Variants in ANO3 observed in about 807,000 individuals in gnomAD.
ANO3 encodes anoctamin-3.
A neutral mutation model predicts 144.8 loss-of-function variants in ANO3; 99 were observed. The ratio of observed to expected loss-of-function variants is 0.68; its 90% confidence interval spans 0.58 to 0.81. The LOEUF is 0.81. Ranked by LOEUF, ANO3 falls within the 30% of genes least tolerant of loss-of-function variation. The pLI is 0.00. For missense variants in ANO3, 905 were observed against 1,202.2 expected (o/e 0.75, Z 3.66); for synonymous variants, 414 against 392.6 (o/e 1.05, Z -0.64).
At chr11:26,319,560 T>G (rs929829504) in intron 1 of ANO3, among the ~76,000 whole-genome samples, 1 of 152,224 alleles carries the variant, frequency 6.6e-6, no homozygotes, top group African/African-American at 2.4e-5. Context: ...TTTGTTTGTA[T>G]GGCATAGACA....
intron 1 of ANO3, among the ~76,000 whole-genome samples, chr11:26,338,561 G>A (rs1185093320): frequency 2.6e-5 from 4 of 152,120 alleles, no homozygotes; most frequent in African/African-American, 9.7e-5. Context: ...TCCATGGTGT[G>A]GAAGCTTTGT....
chr11:26,440,458 G>A (rs1182583235), intron 1 of ANO3, among the ~76,000 whole-genome samples: 2 of 152,008 alleles, frequency 1.3e-5, no homozygotes, highest in African/African-American at 4.8e-5. Context: ...TTAAATGATG[G>A]GAAATGACCT....
intron 18 of ANO3, among the ~76,000 whole-genome samples, chr11:26,632,600 T>C (rs1006474299): frequency 3.2e-4 from 48 of 148,876 alleles, no homozygotes; most frequent in African/African-American, 1.1e-3. Flanking sequence ...ATATAATATA[T>C]GTCTGTCTCT....
intron 1 of ANO3, among the ~76,000 whole-genome samples, chr11:26,294,577 G>T (rs964416852): frequency 6.6e-6 from 1 of 152,066 alleles, no homozygotes. Context: ...GAAACCAAGG[G>T]TCAGTAGGAT....
chr11:26,248,262 C>A (rs922720189), intron 1 of ANO3, among the ~76,000 whole-genome samples: 1 of 151,900 alleles, frequency 6.6e-6, no homozygotes, highest in Non-Finnish European at 1.5e-5. Flanking sequence ...CGCTTGAACC[C>A]GGGAGGCGGA....
chr11:26,410,137 G>T (rs1409279138), intron 1 of ANO3, among the ~76,000 whole-genome samples: 1 of 151,936 alleles, frequency 6.6e-6, no homozygotes. Context: ...CGATAAGTAT[G>T]CATTCAGTGT....
chr11:26,605,855 T>C (rs11029636), intron 17 of ANO3, among the ~76,000 whole-genome samples: 38,870 of 147,564 alleles, frequency 0.26, 5,096 homozygotes, highest in Middle Eastern at 0.32. Flanking sequence ...TGGCTAGCAG[T>C]CTATTTTGTT....
upstream of ANO3, among the ~76,000 whole-genome samples, chr11:26,330,322 A>G (rs1262758128): frequency 1.3e-5 from 2 of 152,170 alleles, no homozygotes; most frequent in Non-Finnish European, 2.9e-5. Flanking sequence ...CTCGGTTTCA[A>G]TGCCCTCATC....
At chr11:26,369,705 ATCTGT>A (rs1856195050) in intron 1 of ANO3, among the ~76,000 whole-genome samples, 1 of 152,076 alleles carries the variant, frequency 6.6e-6, no homozygotes, top group Non-Finnish European at 1.5e-5. Context: ...TCCTTATTTT[ATCTGT>A]TCTATCTCTG....
intron 1 of ANO3, among the ~76,000 whole-genome samples, chr11:26,302,658 C>T (rs1011207384): frequency 6.6e-6 from 1 of 152,082 alleles, no homozygotes; most frequent in African/African-American, 2.4e-5. Context: ...TGCATAAATA[C>T]TGGGATGTGT....
chr11:26,227,671 A>G (rs908098878), intron 1 of ANO3, among the ~76,000 whole-genome samples: 6 of 152,138 alleles, frequency 3.9e-5, no homozygotes, highest in African/African-American at 1.2e-4. Context: ...TTTTATCTAC[A>G]TGATTCCACT....
chr11:26,387,129 T>A (rs1434308821), intron 1 of ANO3, among the ~76,000 whole-genome samples: 1 of 119,576 alleles, frequency 8.4e-6, no homozygotes. Flanking sequence ...GCAAATGTAG[T>A]ATTTTTTTTT....
intron 1 of ANO3, among the ~76,000 whole-genome samples, chr11:26,416,298 G>T (rs556046020): frequency 6.6e-6 from 1 of 152,062 alleles, no homozygotes; most frequent in African/African-American, 2.4e-5. Flanking sequence ...TTAAGAAAAA[G>T]ATTTAGTTGA....
intron 1 of ANO3, among the ~76,000 whole-genome samples, chr11:26,230,891 T>TA: frequency 6.6e-6 from 1 of 150,420 alleles, no homozygotes; most frequent in Non-Finnish European, 1.5e-5. Flanking sequence ...TTTTTTCTTT[T>TA]TTTTTTTTTT....
chr11:26,351,616 T>C (rs1008629353), intron 1 of ANO3, among the ~76,000 whole-genome samples: 1 of 152,200 alleles, frequency 6.6e-6, no homozygotes, highest in African/African-American at 2.4e-5. Context: ...GGAAAATGGC[T>C]TCCAGAAAAC....
chr11:26,282,444 T>A (rs1266600712), intron 1 of ANO3, among the ~76,000 whole-genome samples: 2 of 152,182 alleles, frequency 1.3e-5, no homozygotes, highest in Non-Finnish European at 2.9e-5. Context: ...GCATTCTGCA[T>A]ATTAATTTAA....
chr11:26,435,844 C>A (rs1278691096), intron 1 of ANO3, among the ~76,000 whole-genome samples: 1 of 152,080 alleles, frequency 6.6e-6, no homozygotes, highest in East Asian at 1.9e-4. Context: ...TCTCCTAAAT[C>A]TTGATGATCT....
At chr11:26,219,056 C>T (rs1852090616) in intron 1 of ANO3, among the ~76,000 whole-genome samples, 1 of 152,060 alleles carries the variant, frequency 6.6e-6, no homozygotes, top group South Asian at 2.1e-4. Context: ...GGGGGCTGTC[C>T]TGTGCATTGT....
At chr11:26,322,620 G>C (rs1420571913) in intron 1 of ANO3, among the ~76,000 whole-genome samples, 2 of 152,060 alleles carry the variant, frequency 1.3e-5, no homozygotes, top group African/African-American at 2.4e-5. Flanking sequence ...GGAATTATCA[G>C]TTTTGGGGAG....
Sources: gnomAD v4.1 joint callset for allele counts (sites outside exome capture counted in the v4.1 genomes callset) on GRCh38, gnomAD v4.1.1 for gene constraint, MANE v1.5 for transcripts, NCBI Gene and HGNC (gene_info 2026-07-23, HGNC 2026-07-21) for gene names.